SCMH1: variants seen among roughly 807,000 people sequenced by gnomAD.
The protein encoded by SCMH1 is polycomb protein SCMH1.
SCMH1 carries 37 observed loss-of-function variants against 70.8 expected under a neutral mutation model. The ratio of observed to expected loss-of-function variants is 0.52; its 90% CI spans 0.40 to 0.69. The LOEUF is 0.69. Ranked by LOEUF, SCMH1 falls within the 30% of genes least tolerant of loss-of-function variation. The pLI, the probability that SCMH1 is intolerant of heterozygous loss-of-function variation, is 0.00. For missense variants in SCMH1, 607 were observed against 827.3 expected, an observed-to-expected ratio of 0.73 and a Z score of 3.27; for synonymous variants, 292 against 307.4, an observed-to-expected ratio of 0.95 and a Z score of 0.52.
intron 1 of SCMH1, among the ~76,000 whole-genome samples, chr1:41,200,351 G>C (rs938658208): frequency 6.6e-6 from 1 of 151,980 alleles, no homozygotes; most frequent in Non-Finnish European, 1.5e-5. Flanking sequence ...GTGGTGGTAG[G>C]CACCTGTAGT....
Position 41,082,004 on chromosome 1 carries a change from A to G in SCMH1, c.746-6553T>C, listed in dbSNP as rs572618309. On this transcript the variant is annotated intron_variant, in intron 8 of 14. Transcript: ENST00000337495. ...ACTGTGGTGAGTCAAATAGGTATCC[A>G]TATGGAAAAAAATTAAACTTGAGTT... is the stretch of plus-strand genomic sequence containing the variant. Among the ~76,000 whole-genome samples, 89 of 152,308 alleles carry G rather than the reference A, an allele frequency of 5.8e-4. 1 individual carries two copies. In the South Asian group the frequency reaches 0.017, roughly 30 times the overall value.
At chr1:41,107,716 C>T (rs942093743) in intron 8 of SCMH1, among the ~76,000 whole-genome samples, 5 of 152,240 alleles carry the variant, frequency 3.3e-5, no homozygotes, top group African/African-American at 1.2e-4. Flanking sequence ...GACGGGGTTT[C>T]ACCATGTTGG....
At chr1:41,036,105 G>A (rs1259251789) in intron 13 of SCMH1, among the ~76,000 whole-genome samples, 3 of 152,116 alleles carry the variant, frequency 2.0e-5, no homozygotes, top group African/African-American at 7.2e-5. Context: ...TGGTTCCCAG[G>A]ACTTCATCTT....
intron 2 of SCMH1, among the ~76,000 whole-genome samples, chr1:41,174,555 C>G (rs1028272127): frequency 6.6e-6 from 1 of 152,062 alleles, no homozygotes; most frequent in Non-Finnish European, 1.5e-5. Flanking sequence ...TTGGGTCACC[C>G]TGCTGGGTAA....
chr1:41,183,268 G>A (rs1649320958), intron 2 of SCMH1, among the ~76,000 whole-genome samples: 1 of 152,032 alleles, frequency 6.6e-6, no homozygotes, highest in South Asian at 2.1e-4. Flanking sequence ...TAATTCCTTT[G>A]TTCTCACTGC....
chr1:41,190,664 C>T (rs896579875), intron 1 of SCMH1, among the ~76,000 whole-genome samples: 1 of 152,166 alleles, frequency 6.6e-6, no homozygotes, highest in Non-Finnish European at 1.5e-5. Flanking sequence ...GTAGCATGGA[C>T]AGTGTGTGTG....
intron 2 of SCMH1, 173 bp from the exon 3 acceptor site, chr1:41,161,605 A>G (rs1290132302): frequency 6.5e-6 from 4 of 616,346 alleles, no homozygotes; most frequent in Non-Finnish European, 9.9e-6. Context: ...AAGCCTTGGC[A>G]TTGTTTACAA....
At chr1:41,079,166 A>G (rs1027963844) in intron 8 of SCMH1, among the ~76,000 whole-genome samples, 3 of 152,226 alleles carry the variant, frequency 2.0e-5, no homozygotes, top group Non-Finnish European at 4.4e-5. Flanking sequence ...GAATAATAAA[A>G]CATACTTGAT....
chr1:41,149,980 ACT>A (rs1381880218), intron 5 of SCMH1, among the ~76,000 whole-genome samples: 9 of 151,146 alleles, frequency 6.0e-5, no homozygotes, highest in Admixed American at 3.9e-4. Flanking sequence ...TCCTCCTGAC[ACT>A]CTGTCCTAAA....
At chr1:41,120,931 C>A (rs1038012341) in intron 6 of SCMH1, among the ~76,000 whole-genome samples, 1 of 152,188 alleles carries the variant, frequency 6.6e-6, no homozygotes, top group African/African-American at 2.4e-5. Flanking sequence ...TTATTGTACA[C>A]ATATCATGAG....
chr1:41,209,049 T>G (rs1656333682), intron 1 of SCMH1, among the ~76,000 whole-genome samples: 1 of 152,032 alleles, frequency 6.6e-6, no homozygotes, highest in South Asian at 2.1e-4. Context: ...AAAGGGGATA[T>G]CACCACCAAT....
intron 9 of SCMH1, 152 bp from the exon 10 acceptor site, chr1:41,070,873 T>C: frequency 1.1e-6 from 1 of 893,972 alleles, no homozygotes; most frequent in Admixed American, 2.8e-5. Flanking sequence ...CTTAAAGCTA[T>C]ACATATACCT....
intron 6 of SCMH1, among the ~76,000 whole-genome samples, chr1:41,130,513 C>T (rs1317333530): frequency 6.6e-6 from 1 of 152,048 alleles, no homozygotes; most frequent in Non-Finnish European, 1.5e-5. Context: ...GCCTTTGATA[C>T]ATTTTGAGTT....
chr1:41,199,456 C>T (rs1653784431), intron 1 of SCMH1, among the ~76,000 whole-genome samples: 1 of 152,148 alleles, frequency 6.6e-6, no homozygotes. Context: ...GAGAGTCATC[C>T]ACTGTGCTCC....
intron 4 of SCMH1, among the ~76,000 whole-genome samples, chr1:41,155,788 C>G (rs1028765087): frequency 2.0e-5 from 3 of 151,852 alleles, no homozygotes; most frequent in Admixed American, 2.0e-4. Flanking sequence ...TCAAGACCAG[C>G]CTGGCCAACA....
chr1:41,121,047 G>A (rs1671812062), intron 6 of SCMH1, among the ~76,000 whole-genome samples: 2 of 152,162 alleles, frequency 1.3e-5, no homozygotes. Context: ...TTTAAATCCA[G>A]CTTTGCCACT....
At chr1:41,239,442 G>A (rs1429500324) in intron 1 of SCMH1, among the ~76,000 whole-genome samples, 1 of 152,126 alleles carries the variant, frequency 6.6e-6, no homozygotes, top group Non-Finnish European at 1.5e-5. Context: ...CCTCACCTTT[G>A]GGCAACCTTT....
At chr1:41,204,884 A>G (rs72665630) in intron 1 of SCMH1, among the ~76,000 whole-genome samples, 16,246 of 152,238 alleles carry the variant, frequency 0.11, 973 homozygotes, top group South Asian at 0.18. Flanking sequence ...TATTAATGAA[A>G]TGGGTATATG....
chr1:41,201,946 T>C (rs528223564), intron 1 of SCMH1, among the ~76,000 whole-genome samples: 4 of 152,316 alleles, frequency 2.6e-5, no homozygotes, highest in African/African-American at 9.6e-5. Context: ...GAAATCTTTG[T>C]ATGCAAGCAC....
Sources: allele counts gnomAD v4.1 joint callset (sites outside exome capture counted in the v4.1 genomes callset), GRCh38; gene constraint gnomAD v4.1.1; transcripts MANE v1.5; gene names NCBI Gene and HGNC (gene_info 2026-07-23, HGNC 2026-07-21).